Variants in TLE1 observed in about 807,000 individuals in gnomAD.
The protein encoded by TLE1 is transducin-like enhancer protein 1.
TLE1 carries 21 observed loss-of-function variants against 89.8 expected under a neutral mutation model. That is an observed-to-expected ratio of 0.23 (90% confidence interval 0.17 to 0.34). TLE1 has a LOEUF of 0.34. TLE1 is among the 10% of genes least tolerant of loss of function. The probability of loss-of-function intolerance (pLI) is 1.00; values close to 1 mark genes in which losing one functional copy is unlikely to be tolerated. For synonymous variants in TLE1, 447 were observed against 407.6 expected (o/e 1.10, Z -1.16); for missense variants, 795 against 1,031.2 (o/e 0.77, Z 3.14).
intron 8 of TLE1, among the ~76,000 whole-genome samples, chr9:81,627,511 C>T (rs554893848): frequency 6.6e-6 from 1 of 152,190 alleles, no homozygotes; most frequent in African/African-American, 2.4e-5. Context: ...GAAGGGTTCA[C>T]CCTATTCACA....
At chr9:81,677,030 A>G (rs553162111) in intron 4 of TLE1, among the ~76,000 whole-genome samples, 24 of 152,232 alleles carry the variant, frequency 1.6e-4, no homozygotes, top group African/African-American at 4.8e-4. Context: ...TGAGGCCAGG[A>G]GTTCAAGACC....
In TLE1 at chr9:81,688,338, A is replaced by G. The variant is rs1834646915; in HGVS notation, c.-98T>C. 2.2e-6 allele frequency: 3 copies of G among 1,336,708 alleles called. No individual in the cohort carries two copies. Among genetic ancestry groups the G allele is most frequent in the Non-Finnish European group, 9.8e-7 (1 of 1,020,100 alleles). 82.8% of individuals were successfully genotyped at this position (1,336,708 alleles called of 1,614,324 possible). A position where few individuals can be genotyped will look rare whatever the true frequency, so the allele number is the denominator to read the frequency against. On this transcript the variant is annotated 5_prime_UTR_variant, in exon 1 of 20. Transcript: ENST00000376499. The stretch of plus-strand genomic sequence containing the variant: ...CGAGGAAAATTAAGCCGGAAAGCCA[A>G]GCAGAAGCGGGGAGCGCGCTGGCCA...
chr9:81,612,917 G>T (rs1321103398), intron 12 of TLE1, among the ~76,000 whole-genome samples: 2 of 152,214 alleles, frequency 1.3e-5, no homozygotes, highest in East Asian at 3.9e-4. Context: ...AATTAGCCAG[G>T]CGTGGTGGCA....
intron 8 of TLE1, among the ~76,000 whole-genome samples, chr9:81,632,394 A>AG (rs1160384183): frequency 6.6e-6 from 1 of 151,654 alleles, no homozygotes; most frequent in Non-Finnish European, 1.5e-5. Context: ...TACACAGAAG[A>AG]GGGGGGAAAA....
At chr9:81,623,181 G>A (rs1825490863) in intron 8 of TLE1, among the ~76,000 whole-genome samples, 1 of 152,036 alleles carries the variant, frequency 6.6e-6, no homozygotes, top group Admixed American at 6.6e-5. Flanking sequence ...GTGACTTTGT[G>A]GGTACTGCAT....
rs761713981 is a variant in TLE1, at chr9:81,613,473, G to A, written c.967C>T (p.Arg323Trp). 49 of 1,614,098 alleles carry A rather than the reference G, an allele frequency of 3.0e-5. No individual in the cohort carries two copies. Among genetic ancestry groups the A allele is most frequent in the East Asian group, 2.0e-4 (9 of 44,888 alleles). ...PVLKSSTPTP[R>W]SDMPTPGTSA... is the part of the protein sequence containing the mutation. Reference sequence around the variant, plus strand: ...GTGCCCGGCGTTGGCATGTCGCTCCGAGGCGTTGGTGTGCTGGATTTCAGA... The same window carrying A: ...GTGCCCGGCGTTGGCATGTCGCTCCAAGGCGTTGGTGTGCTGGATTTCAGA... The change falls in exon 12 of 20, where the codon CGG becomes TGG. Residue 323 changes from arginine (R) to tryptophan (W), a missense_variant. By Grantham distance (101) the Arg-to-Trp change is moderately radical. Around this residue, in one of 4 missense-constraint regions of TLE1, gnomAD observed 468 missense variants for 509.1 expected, o/e 0.92. Transcript: ENST00000376499.
intron 8 of TLE1, among the ~76,000 whole-genome samples, chr9:81,632,142 T>TAA (rs1444730999): frequency 6.6e-6 from 1 of 150,956 alleles, no homozygotes; most frequent in Non-Finnish European, 1.5e-5. Flanking sequence ...ACAATAAGGC[T>TAA]TCCTCCATAA....
intron 14 of TLE1, among the ~76,000 whole-genome samples, chr9:81,595,718 C>T (rs1830098331): frequency 6.6e-6 from 1 of 150,396 alleles, no homozygotes; most frequent in Non-Finnish European, 1.5e-5. Flanking sequence ...ACTCGGGAGG[C>T]TGAGGCAGGA....
At chr9:81,658,084 G>T (rs1160787946) in intron 4 of TLE1, among the ~76,000 whole-genome samples, 1 of 151,086 alleles carries the variant, frequency 6.6e-6, no homozygotes, top group African/African-American at 2.4e-5. Flanking sequence ...CTAATTTTTT[G>T]TATTTTTAGT....
At chr9:81,615,081 C>CAAAAAAAAAAAAAAAAA (rs34947337) in intron 11 of TLE1, among the ~76,000 whole-genome samples, 5 of 25,094 alleles carry the variant, frequency 2.0e-4, no homozygotes, top group Non-Finnish European at 2.0e-4. Context: ...GACTCCATCT[C>CAAAAAAAAAAAAAAAAA]AAAAAAAAAA....
At chr9:81,687,714 G>A (rs1482803998) in intron 1 of TLE1, among the ~76,000 whole-genome samples, 2 of 152,074 alleles carry the variant, frequency 1.3e-5, no homozygotes, top group Non-Finnish European at 2.9e-5. Flanking sequence ...GGGCTCCCCG[G>A]CGGCCAGGGA....
intron 4 of TLE1, among the ~76,000 whole-genome samples, chr9:81,660,935 A>ACACACACACACACG (rs1830693685): frequency 4.3e-4 from 2 of 4,636 alleles, no homozygotes; most frequent in African/African-American, 8.7e-4. Context: ...TCCCTACTAA[A>ACACACACACACACG]CACACACACA....
Position 81,688,391 on chromosome 9 carries a change from G to A in TLE1, c.-151C>T, listed in dbSNP as rs941070203. The A allele has an allele frequency of 7.4e-6, 6 of 814,346 alleles. No individual in the cohort carries two copies. The highest frequency in any genetic ancestry group is 5.0e-5 in the South Asian group (2 of 40,250). The allele number at this position is 814,346 out of a possible 1,614,324, so 50.4% of individuals were successfully genotyped here. A position where few individuals can be genotyped will look rare whatever the true frequency, so the allele number is the denominator to read the frequency against. ...CACGCGCGCTCCGCCGGGCGCACCGGCCACTCGGCGCCCGCAGCTGCTCCG... is the reference window on the plus strand; with the variant it reads ...CACGCGCGCTCCGCCGGGCGCACCGACCACTCGGCGCCCGCAGCTGCTCCG... On this transcript the variant is annotated 5_prime_UTR_variant, in exon 1 of 20. Transcript: ENST00000376499.
At chr9:81,663,775 TGCCACCACGCCCG>T (rs912771012) in intron 4 of TLE1, among the ~76,000 whole-genome samples, 1 of 151,770 alleles carries the variant, frequency 6.6e-6, no homozygotes, top group Non-Finnish European at 1.5e-5. Flanking sequence ...TACAGGCACC[TGCCACCACGCCCG>T]GCTAATTTTT....
At chr9:81,627,976 T>C (rs973861084) in intron 8 of TLE1, among the ~76,000 whole-genome samples, 2 of 152,158 alleles carry the variant, frequency 1.3e-5, no homozygotes, top group Non-Finnish European at 1.5e-5. Flanking sequence ...CTCAGCACTT[T>C]GGGAGACCAA....
At chr9:81,634,363 T>C in intron 6 of TLE1, 62 bp from the exon 7 acceptor site, 2 of 1,350,942 alleles carry the variant, frequency 1.5e-6, no homozygotes, top group Non-Finnish European at 9.8e-7. Flanking sequence ...GTGACAGTGA[T>C]GGCGATGGAG....
chr9:81,669,498 AGTACT>A (rs1216580287), intron 4 of TLE1, among the ~76,000 whole-genome samples: 1 of 152,234 alleles, frequency 6.6e-6, no homozygotes, highest in African/African-American at 2.4e-5. Context: ...GTCTGCAAGC[AGTACT>A]GTAAAGTAGA....
At chr9:81,585,115 G>A (rs1467641931) in intron 18 of TLE1, among the ~76,000 whole-genome samples, 1 of 152,030 alleles carries the variant, frequency 6.6e-6, no homozygotes, top group Non-Finnish European at 1.5e-5. Flanking sequence ...AAGTGTCTGC[G>A]TATACCTAAA....
At chr9:81,665,055 G>C (rs1831290532) in intron 4 of TLE1, among the ~76,000 whole-genome samples, 1 of 152,132 alleles carries the variant, frequency 6.6e-6, no homozygotes, top group Non-Finnish European at 1.5e-5. Context: ...AAAATAACTT[G>C]CCTAAGATCA....
Sources: gnomAD v4.1 joint callset for allele counts (sites outside exome capture counted in the v4.1 genomes callset) on GRCh38, gnomAD v4.1.1 for gene constraint, gnomAD v4.1.1 regional missense constraint, MANE v1.5 for transcripts, NCBI Gene and HGNC (gene_info 2026-07-23, HGNC 2026-07-21) for gene names.